The following MAP2 variants were observed in gnomAD, a reference collection of about 807,000 sequenced individuals.
The protein encoded by MAP2 is microtubule associated protein 2, also known as microtubule-associated protein 2.
A neutral mutation model predicts 137.6 loss-of-function variants in MAP2; 14 were observed. The observed-to-expected ratio is 0.10, with a 90% CI of 0.07 to 0.16. MAP2 has a LOEUF of 0.16. Ranked by LOEUF, MAP2 falls within the 10% of genes least tolerant of loss-of-function variation. MAP2 has a pLI of 1.00. For synonymous variants in MAP2, 786 were observed against 782.3 expected (o/e 1.00, Z -0.08); for missense variants, 2,088 against 2,191.5 (o/e 0.95, Z 0.94).
intron 12 of MAP2, among the ~76,000 whole-genome samples, chr2:209,707,355 G>A (rs1375738900): frequency 6.6e-6 from 1 of 152,040 alleles, no homozygotes; most frequent in East Asian, 1.9e-4. Flanking sequence ...TAAAACATAG[G>A]ATCTGTTTTA....
intron 5 of MAP2, among the ~76,000 whole-genome samples, chr2:209,672,617 A>T (rs866416691): frequency 1.2e-4 from 18 of 151,968 alleles, no homozygotes; most frequent in Middle Eastern, 6.8e-3. Flanking sequence ...CTGACACTAG[A>T]ACCTACTTTT....
At chr2:209,586,776 G>C (rs2077837486) in intron 3 of MAP2, among the ~76,000 whole-genome samples, 1 of 152,154 alleles carries the variant, frequency 6.6e-6, no homozygotes, top group Admixed American at 6.6e-5. Context: ...GATGCTGCTG[G>C]TCCATGGAGA....
intron 3 of MAP2, among the ~76,000 whole-genome samples, chr2:209,598,227 G>A (rs930630352): frequency 3.3e-5 from 5 of 151,504 alleles, no homozygotes; most frequent in South Asian, 2.1e-4. Context: ...GGCTGGTCGC[G>A]AACTCCTGAT....
intron 4 of MAP2, among the ~76,000 whole-genome samples, chr2:209,626,069 T>C (rs1282339503): frequency 6.6e-5 from 10 of 152,160 alleles, no homozygotes; most frequent in Non-Finnish European, 8.8e-5. Context: ...CTTTCTTGTT[T>C]TTATTATTTG....
intron 13 of MAP2, among the ~76,000 whole-genome samples, chr2:209,715,041 G>A (rs895505440): frequency 2.0e-5 from 3 of 151,906 alleles, no homozygotes; most frequent in Non-Finnish European, 2.9e-5. Context: ...ATATTTTCAT[G>A]AAATAATTTA....
At chr2:209,581,776 G>A (rs974886467) in intron 3 of MAP2, among the ~76,000 whole-genome samples, 5 of 152,110 alleles carry the variant, frequency 3.3e-5, no homozygotes, top group African/African-American at 9.7e-5. Flanking sequence ...ACTCCAATGC[G>A]TTGTCAATAG....
intron 2 of MAP2, among the ~76,000 whole-genome samples, chr2:209,573,312 T>A (rs1207541186): frequency 5.6e-4 from 84 of 149,872 alleles, no homozygotes; most frequent in African/African-American, 2.0e-3. Context: ...TTTTTTTTTT[T>A]TTGAGGAGTC....
intron 1 of MAP2, among the ~76,000 whole-genome samples, chr2:209,462,014 A>G (rs1702942941): frequency 1.3e-5 from 2 of 152,156 alleles, no homozygotes; most frequent in South Asian, 4.1e-4. Context: ...GGGGCCCAAT[A>G]GTACCTCATG....
intron 2 of MAP2, among the ~76,000 whole-genome samples, chr2:209,575,237 G>A (rs2075113146): frequency 6.6e-6 from 1 of 151,900 alleles, no homozygotes; most frequent in Non-Finnish European, 1.5e-5. Context: ...ATATGGCAAG[G>A]AAGGCCGGGT....
At chr2:209,444,604 G>A (rs1490358700) in intron 1 of MAP2, among the ~76,000 whole-genome samples, 3 of 151,528 alleles carry the variant, frequency 2.0e-5, no homozygotes, top group East Asian at 1.9e-4. Flanking sequence ...AAGATATTTT[G>A]TCAGAGGGAA....
intron 3 of MAP2, among the ~76,000 whole-genome samples, chr2:209,618,145 A>G (rs1048532130): frequency 1.3e-5 from 2 of 152,106 alleles, no homozygotes; most frequent in Non-Finnish European, 2.9e-5. Flanking sequence ...CGAAGAGTTC[A>G]TGGAGAACAC....
rs2066189438 is a variant in MAP2, at chr2:209,537,629, T to C, written c.-172+29988T>C. 2.6e-5 allele frequency among the ~76,000 whole-genome samples: 4 copies of C among 152,226 alleles called. No individual in the cohort carries two copies. In the South Asian group the frequency reaches 6.2e-4, roughly 24 times the overall value. On this transcript the variant is annotated intron_variant, in intron 2 of 15. Transcript: ENST00000682079. ...TTGTATTACAGCCTTCATCATCATTTAGCACAGTATTGAGAAACTAGTAGC... is the reference window on the plus strand; with the variant it reads ...TTGTATTACAGCCTTCATCATCATTCAGCACAGTATTGAGAAACTAGTAGC...
chr2:209,685,035 A>T (rs2056474994), intron 7 of MAP2, among the ~76,000 whole-genome samples: 1 of 152,122 alleles, frequency 6.6e-6, no homozygotes, highest in Non-Finnish European at 1.5e-5. Flanking sequence ...CTTCTCATTT[A>T]ATCCTCCCAG....
intron 1 of MAP2, among the ~76,000 whole-genome samples, chr2:209,436,601 A>T (rs975952181): frequency 3.9e-5 from 6 of 151,922 alleles, no homozygotes; most frequent in East Asian, 3.9e-4. Context: ...TAACAAATAC[A>T]TGAAGACTAT....
intron 1 of MAP2, among the ~76,000 whole-genome samples, chr2:209,482,426 T>C (rs60246466): frequency 0.017 from 2,565 of 152,296 alleles, 73 homozygotes; most frequent in African/African-American, 0.057. Context: ...TTGACTTCAG[T>C]TAATTCAGTT....
intron 2 of MAP2, among the ~76,000 whole-genome samples, chr2:209,530,960 A>G (rs1206559297): frequency 6.6e-6 from 1 of 152,178 alleles, no homozygotes; most frequent in Non-Finnish European, 1.5e-5. Flanking sequence ...TAGATCCTCC[A>G]TGTTACAAAC....
chr2:209,679,992 G>A (rs1288303399), intron 6 of MAP2, among the ~76,000 whole-genome samples: 1 of 152,016 alleles, frequency 6.6e-6, no homozygotes, highest in Admixed American at 6.6e-5. Flanking sequence ...ATTTCCTTTT[G>A]AAATTTCTTA....
At chr2:209,681,049 A>G (rs967126446) in intron 7 of MAP2, among the ~76,000 whole-genome samples, 1 of 152,194 alleles carries the variant, frequency 6.6e-6, no homozygotes, top group Non-Finnish European at 1.5e-5. Context: ...AATCTGCTTG[A>G]TTAAGGAAAA....
chr2:209,473,762 C>A (rs1045018607), intron 1 of MAP2, among the ~76,000 whole-genome samples: 4 of 151,914 alleles, frequency 2.6e-5, no homozygotes, highest in Admixed American at 2.6e-4. Context: ...TATGAAGTAA[C>A]TAATGAAAAA....
Sources: gnomAD v4.1 joint callset for allele counts (sites outside exome capture counted in the v4.1 genomes callset) on GRCh38, gnomAD v4.1.1 for gene constraint, MANE v1.5 for transcripts, NCBI Gene and HGNC (gene_info 2026-07-23, HGNC 2026-07-21) for gene names.